ADORA1: variants seen among roughly 807,000 people sequenced by gnomAD.
The protein encoded by ADORA1 is adenosine receptor A1.
ADORA1 carries 6 observed loss-of-function variants against 19.9 expected under a neutral mutation model. The observed-to-expected ratio is 0.30, with a 90% confidence interval of 0.17 to 0.59. The LOEUF is 0.59. Among genes scored for constraint, ADORA1 ranks in the 20% least tolerant of loss-of-function variants. The probability of loss-of-function intolerance (pLI) is 0.87; values close to 1 mark genes in which losing one functional copy is unlikely to be tolerated. For synonymous variants in ADORA1, 194 were observed against 188.4 expected (o/e 1.03, Z -0.24); for missense variants, 302 against 439.2 (o/e 0.69, Z 2.79).
intron 3 of ADORA1, among the ~76,000 whole-genome samples, chr1:203,161,267 A>G (rs935034000): frequency 6.6e-6 from 1 of 152,180 alleles, no homozygotes; most frequent in Non-Finnish European, 1.5e-5. Context: ...GTTCCGACTA[A>G]TAAACTAATT....
chr1:203,155,022 A>T (rs897493085), intron 3 of ADORA1, among the ~76,000 whole-genome samples: 2 of 62,564 alleles, frequency 3.2e-5, no homozygotes, highest in Non-Finnish European at 4.6e-5. Context: ...CCTATTTATT[A>T]TTATTATTAT....
chr1:203,129,271 C>A lies in ADORA1; in HGVS notation c.341+89C>A, dbSNP rs1378839765. The A allele has an allele frequency of 3.3e-6, 5 of 1,514,952 alleles. No individual in the cohort carries two copies. In the East Asian group the frequency reaches 9.1e-5, roughly 28 times the overall value. 93.8% of individuals were successfully genotyped at this position (1,514,952 alleles called of 1,614,324 possible). ...AAAGGAAAAAAGGTAGAGCATAAGA[C>A]CCCAAGTAAGCCAGATGTTCTTTGG... On this transcript the variant is annotated intron_variant, in intron 3 of 3. Coordinates refer to ENST00000337894, the MANE Select transcript of ADORA1 (RefSeq NM_000674.3).
chr1:203,154,546 T>C (rs935135501), intron 3 of ADORA1, among the ~76,000 whole-genome samples: 60 of 152,132 alleles, frequency 3.9e-4, no homozygotes, highest in African/African-American at 1.4e-3. Flanking sequence ...GGGGCTGCAG[T>C]TGGCTGGTAG....
rs760363858 is a variant in ADORA1 at position 203,165,161 on chromosome 1, G to A, written c.342-100G>A. The A allele has an allele frequency of 6.3e-7, 1 of 1,586,846 alleles. No individual in the cohort carries two copies. The highest frequency in any genetic ancestry group is 1.7e-4 in the Middle Eastern group (1 of 6,022). On this transcript the variant is annotated intron_variant, in intron 3 of 3. Transcript: ENST00000337894. This position sits in a 1 kb window ranked among gnomAD's most constrained non-coding sequence, Gnocchi z 5.9. ...ACTCACCGGGCCCTGGAAGAGGAGG[G>A]TGCTCCTCTTAGAGGCCCCTGGAGG... is the stretch of plus-strand genomic sequence containing the variant.
At chr1:203,156,882 C>T (rs12757371) in intron 3 of ADORA1, among the ~76,000 whole-genome samples, 11,032 of 152,246 alleles carry the variant, frequency 0.072, 498 homozygotes, top group South Asian at 0.2. Flanking sequence ...TCTGTGGTAA[C>T]AAAACTAATC....
At position 203,165,727 on chromosome 1, in the gene ADORA1, A is replaced by G. The variant is rs1304853881; in HGVS notation, c.808A>G (p.Thr270Ala). 6.2e-7 allele frequency: 1 copy of G among 1,613,142 alleles called. No individual in the cohort carries two copies. The part of the protein sequence containing the change: ...CPSCHKPSIL[T>A]YIAIFLTHGN... ...GTCCTGCCACAAGCCCAGCATCCTT[A>G]CCTACATTGCCATCTTCCTCACGCA... The change falls in exon 4 of 4, where the codon ACC (threonine) becomes GCC (alanine). Residue 270 changes from threonine (T) to alanine (A), a missense_variant. Coordinates refer to ENST00000337894, the MANE Select transcript of ADORA1 (RefSeq NM_000674.3). This position sits in a 1 kb window ranked among gnomAD's most constrained non-coding sequence, Gnocchi z 5.9.
In ADORA1 at chr1:203,166,631, T is replaced by TGC. The variant is rs1655565265; in HGVS notation, c.*733_*734dup. 1 of 152,570 alleles carries TGC rather than the reference T, an allele frequency of 6.6e-6. No individual in the cohort carries two copies. The highest frequency in any genetic ancestry group is 6.5e-5 in the Admixed American group (1 of 15,290). The allele number at this position is 152,570 out of a possible 1,614,324, so 9.5% of individuals were successfully genotyped here. ...TCCACGCCCTGGGGAGTGAGCTTGG[T>TGC]GCGGTAGGTGCTGGCCTCAAACAGC... On this transcript the variant is annotated 3_prime_UTR_variant, in exon 4 of 4. Transcript: ENST00000337894.
chr1:203,137,711 G>A (rs1654554795), intron 3 of ADORA1, among the ~76,000 whole-genome samples: 1 of 152,074 alleles, frequency 6.6e-6, no homozygotes, highest in South Asian at 2.1e-4. Flanking sequence ...TAAACCTCAA[G>A]TACTCAGCTC....
In ADORA1 at chr1:203,128,658, C is replaced by A; in HGVS notation, c.-57-127C>A. The A allele has an allele frequency of 8.3e-7, 1 of 1,199,710 alleles. No homozygotes were observed. The highest frequency in any genetic ancestry group is 1.1e-6 in the Non-Finnish European group (1 of 883,286). The allele number at this position is 1,199,710 out of a possible 1,614,324, so 74.3% of individuals were successfully genotyped here. On this transcript the variant is annotated intron_variant, in intron 2 of 3. Transcript: ENST00000337894. The surrounding 1 kb of genome is among the most constrained non-coding windows in gnomAD (Gnocchi z 5.9). ...GGCAGAGAAGGGTCCGGGTGCCCCT[C>A]CAGCCTGGGTAGGAGCTGCATGTGA...
intron 3 of ADORA1, among the ~76,000 whole-genome samples, chr1:203,129,933 G>A (rs534288182): frequency 5.9e-5 from 9 of 152,374 alleles, no homozygotes; most frequent in African/African-American, 9.6e-5. Context: ...TGCTGGTGCC[G>A]TCCTCAGTGT....
At chr1:203,150,160 C>A (rs1460156000) in intron 3 of ADORA1, 1 of 152,606 alleles carries the variant, frequency 6.6e-6, no homozygotes, top group African/African-American at 2.4e-5. Context: ...CTTCCTGCTG[C>A]ATGTTGTTCT....
intron 3 of ADORA1, chr1:203,150,886 C>A: frequency 9.0e-7 from 1 of 1,114,682 alleles, no homozygotes; most frequent in Non-Finnish European, 1.2e-6. Context: ...CCTGACAGCC[C>A]AAGCTCAGTG....
chr1:203,165,185 G>T lies in ADORA1; in HGVS notation c.342-76G>T. On this transcript the variant is annotated intron_variant, in intron 3 of 3. Coordinates refer to ENST00000337894, the MANE Select transcript of ADORA1 (RefSeq NM_000674.3). This position sits in a 1 kb window ranked among gnomAD's most constrained non-coding sequence, Gnocchi z 5.9. ...GGTGCTCCTCTTAGAGGCCCCTGGAGGCCAGGCGTGCCTCAGAGGGGCCTT... is the reference window on the plus strand; with the variant it reads ...GGTGCTCCTCTTAGAGGCCCCTGGATGCCAGGCGTGCCTCAGAGGGGCCTT... 6.2e-7 allele frequency: 1 copy of T among 1,600,948 alleles called. No homozygotes were observed.
intron 3 of ADORA1, among the ~76,000 whole-genome samples, chr1:203,157,924 G>A (rs904304910): frequency 6.6e-6 from 1 of 152,216 alleles, no homozygotes; most frequent in Admixed American, 6.5e-5. Context: ...TTGCTCTAAA[G>A]GTCCTCAGCT....
At chr1:203,129,492 C>A in intron 3 of ADORA1, 1 of 386,404 alleles carries the variant, frequency 2.6e-6, no homozygotes, top group Non-Finnish European at 4.6e-6. Context: ...TTTGGAAGAG[C>A]CACTAAGATG....
At chr1:203,140,059 A>C (rs1654630584) in intron 3 of ADORA1, among the ~76,000 whole-genome samples, 1 of 152,252 alleles carries the variant, frequency 6.6e-6, no homozygotes, top group Non-Finnish European at 1.5e-5. Flanking sequence ...CCGGTGATAT[A>C]AAAAGGATAA....
chr1:203,147,682 G>A (rs1290485251), intron 3 of ADORA1, among the ~76,000 whole-genome samples: 2 of 152,292 alleles, frequency 1.3e-5, no homozygotes, highest in East Asian at 3.9e-4. Flanking sequence ...ATTACAGTTT[G>A]AGAAGCTCAG....
chr1:203,150,988 A>G (rs983019276), intron 3 of ADORA1, among the ~76,000 whole-genome samples: 1 of 152,026 alleles, frequency 6.6e-6, no homozygotes, highest in South Asian at 2.1e-4. Flanking sequence ...CAGGCATCCA[A>G]CCTGCTTTCT....
chr1:203,149,491 A>G (rs1361907487), intron 3 of ADORA1, among the ~76,000 whole-genome samples: 1 of 152,192 alleles, frequency 6.6e-6, no homozygotes, highest in Non-Finnish European at 1.5e-5. Flanking sequence ...CTCCCAGAGG[A>G]GGAGGAGGAC....
Sources: gnomAD v4.1 joint callset for allele counts (sites outside exome capture counted in the v4.1 genomes callset) on GRCh38, gnomAD v4.1.1 for gene constraint, Gnocchi (gnomAD v3.1) non-coding constraint, MANE v1.5 for transcripts, NCBI Gene and HGNC (gene_info 2026-07-23, HGNC 2026-07-21) for gene names.